Variants in ESYT2 observed in about 807,000 individuals in gnomAD.
ESYT2 encodes extended synaptotagmin-2.
ESYT2 carries 54 observed loss-of-function variants against 107.2 expected under a neutral mutation model. The observed-to-expected ratio is 0.50, with a 90% CI of 0.40 to 0.63. The LOEUF is 0.63. ESYT2 is among the 30% of genes least tolerant of loss of function. The pLI is 0.00. For synonymous variants in ESYT2, 491 were observed against 434.1 expected (o/e 1.13, Z -1.63); for missense variants, 1,020 against 1,094.5 (o/e 0.93, Z 0.96).
chr7:158,806,909 G>A (rs888641676), intron 1 of ESYT2, among the ~76,000 whole-genome samples: 2 of 152,066 alleles, frequency 1.3e-5, no homozygotes, highest in African/African-American at 4.8e-5. Context: ...GACTGGAATG[G>A]ATTAAAAGAT....
intron 1 of ESYT2, among the ~76,000 whole-genome samples, chr7:158,807,698 C>T (rs372580858): frequency 5.8e-4 from 89 of 152,272 alleles, no homozygotes; most frequent in African/African-American, 1.9e-3. Context: ...GGGGCACTTA[C>T]GGGCCATGAG....
chr7:158,820,281 G>A (rs1399824896), intron 1 of ESYT2, among the ~76,000 whole-genome samples: 4 of 152,114 alleles, frequency 2.6e-5, no homozygotes, highest in African/African-American at 9.7e-5. Flanking sequence ...GAGTTCAAGA[G>A]ATCTATTGTA....
At chr7:158,773,209 A>T in intron 7 of ESYT2, 132 bp downstream of exon 7, 1 of 978,902 alleles carries the variant, frequency 1.0e-6, no homozygotes, top group South Asian at 1.3e-5. Context: ...GTTTCTCACG[A>T]CAGCCTGTGG....
At chr7:158,785,489 G>C (rs886393724) in intron 6 of ESYT2, among the ~76,000 whole-genome samples, 2 of 152,044 alleles carry the variant, frequency 1.3e-5, no homozygotes, top group African/African-American at 2.4e-5. Context: ...TCCAGTGTCA[G>C]GACTAAACCT....
At chr7:158,779,328 CTA>C (rs1490463785) in intron 6 of ESYT2, among the ~76,000 whole-genome samples, 1 of 152,154 alleles carries the variant, frequency 6.6e-6, no homozygotes, top group Non-Finnish European at 1.5e-5. Flanking sequence ...GTGCTCCACT[CTA>C]TGATTCCTTC....
At chr7:158,772,024 G>A (rs1036503529) in intron 7 of ESYT2, among the ~76,000 whole-genome samples, 4 of 152,056 alleles carry the variant, frequency 2.6e-5, no homozygotes, top group African/African-American at 9.7e-5. Context: ...GGGAGGCTGA[G>A]GCAGGGAGAA....
intron 1 of ESYT2, among the ~76,000 whole-genome samples, chr7:158,814,416 G>A (rs573191533): frequency 6.1e-5 from 9 of 147,802 alleles, no homozygotes; most frequent in East Asian, 4.1e-4. Context: ...TATGTTACTC[G>A]TCCCGATTAC....
intron 7 of ESYT2, among the ~76,000 whole-genome samples, chr7:158,769,158 G>C (rs1288312814): frequency 2.0e-5 from 3 of 152,234 alleles, no homozygotes; most frequent in Non-Finnish European, 2.9e-5. Context: ...ATCCACGTGT[G>C]ATGACCCAGC....
intron 17 of ESYT2, 58 bp downstream of exon 17, chr7:158,743,471 C>T: frequency 6.4e-7 from 1 of 1,563,178 alleles, no homozygotes; most frequent in Non-Finnish European, 8.6e-7. Context: ...CCATGAGTAT[C>T]CCTGCCAGCA....
At chr7:158,796,400 T>C (rs1026398815) in intron 3 of ESYT2, among the ~76,000 whole-genome samples, 10 of 152,246 alleles carry the variant, frequency 6.6e-5, no homozygotes, top group African/African-American at 2.4e-4. Context: ...TTCTTCCACT[T>C]ACGTAATGAA....
intron 19 of ESYT2, among the ~76,000 whole-genome samples, chr7:158,738,342 C>T (rs1306627525): frequency 1.6e-5 from 1 of 64,450 alleles, no homozygotes; most frequent in Non-Finnish European, 3.2e-5. Flanking sequence ...CACACACACA[C>T]AGACACACAC....
At chr7:158,786,351 G>C (rs1839115406) in intron 6 of ESYT2, among the ~76,000 whole-genome samples, 1 of 152,130 alleles carries the variant, frequency 6.6e-6, no homozygotes, top group South Asian at 2.1e-4. Context: ...AATTTGTTAA[G>C]ATTACTGAGG....
At chr7:158,804,281 C>A (rs1478862021) in intron 1 of ESYT2, among the ~76,000 whole-genome samples, 3 of 75,880 alleles carry the variant, frequency 4.0e-5, no homozygotes, top group African/African-American at 1.3e-4. Flanking sequence ...GGGTGAGGCG[C>A]GCGACAAACC....
chr7:158,811,965 G>C (rs1840005739), intron 1 of ESYT2, among the ~76,000 whole-genome samples: 1 of 152,250 alleles, frequency 6.6e-6, no homozygotes, highest in South Asian at 2.1e-4. Context: ...CTGGCAAGAT[G>C]CTGTACTGAG....
chr7:158,734,309 C>T, intron 22 of ESYT2, 57 bp from the exon 23 acceptor site: 16 of 1,613,254 alleles, frequency 9.9e-6, no homozygotes, highest in African/African-American at 1.3e-5. Context: ...TAGGAAAAGC[C>T]TATCAGATAC....
chr7:158,794,219 C>G (rs549260797), intron 3 of ESYT2, among the ~76,000 whole-genome samples: 2 of 152,358 alleles, frequency 1.3e-5, no homozygotes, highest in East Asian at 3.9e-4. Flanking sequence ...CACGCCCAGG[C>G]GTGGCCGCTC....
intron 5 of ESYT2, 99 bp from the exon 6 acceptor site, chr7:158,788,192 T>C (rs913577586): frequency 1.4e-5 from 17 of 1,196,436 alleles, no homozygotes; most frequent in Non-Finnish European, 2.1e-5. Context: ...CTTTTGAGCA[T>C]GTGACTTCTT....
In ESYT2 at chr7:158,757,765, T is replaced by G. The variant is rs111445676; in HGVS notation, c.1419+1721A>C. On this transcript the variant is annotated intron_variant, in intron 13 of 22. Transcript: ENST00000275418. Reference sequence around the variant, plus strand: ...TACAGTCTCTCTGGGTTTTTTTTTTTTTGTTTTTTGTTTTTTTTGCTTATG... The same window carrying G: ...TACAGTCTCTCTGGGTTTTTTTTTTGTTGTTTTTTGTTTTTTTTGCTTATG... Among the ~76,000 whole-genome samples the G allele has an allele frequency of 5.6e-3, 780 of 139,802 alleles. 6 individuals are homozygous for G. Among genetic ancestry groups the G allele is most frequent in the African/African-American group, 0.02 (742 of 37,410 alleles). 91.7% of individuals were successfully genotyped at this position (139,802 alleles called of 152,430 possible).
intron 3 of ESYT2, among the ~76,000 whole-genome samples, chr7:158,797,565 G>T (rs1454622840): frequency 6.6e-6 from 1 of 152,084 alleles, no homozygotes; most frequent in Non-Finnish European, 1.5e-5. Context: ...AAAAGAAAAT[G>T]TGTTTTTCGG....
Sources: allele counts gnomAD v4.1 joint callset (sites outside exome capture counted in the v4.1 genomes callset), GRCh38; gene constraint gnomAD v4.1.1; transcripts MANE v1.5; gene names NCBI Gene and HGNC (gene_info 2026-07-23, HGNC 2026-07-21).